RBFOX1: variants seen among roughly 807,000 people sequenced by gnomAD.
RBFOX1 encodes the protein RNA binding protein fox-1 homolog 1.
RBFOX1 carries 8 observed loss-of-function variants against 57.7 expected under a neutral mutation model. The ratio of observed to expected loss-of-function variants is 0.14; its 90% CI spans 0.08 to 0.25. The LOEUF (loss-of-function observed/expected upper bound fraction) is 0.25, where lower values mean the gene tolerates loss of function less well. Ranked by LOEUF, RBFOX1 falls within the 10% of genes least tolerant of loss-of-function variation. The pLI is 1.00. For missense variants in RBFOX1, 611 were observed against 548.5 expected (o/e 1.11, Z -1.14); for synonymous variants, 326 against 222.4 (o/e 1.47, Z -4.15).
In RBFOX1 at chr16:7,568,859, C is replaced by T. The variant is rs574554498; in HGVS notation, c.271-10918C>T. On this transcript the variant is annotated intron_variant, in intron 5 of 15. Coordinates refer to ENST00000550418, the MANE Select transcript of RBFOX1 (RefSeq NM_018723.4). ...CTGAGATCACGCCACTGCACTCCAG[C>T]CTGGGTGATAGAGACTCTGTCTCAA... Among the ~76,000 whole-genome samples the T allele has an allele frequency of 8.0e-4, 101 of 125,472 alleles. 1 individual carries two copies. The highest frequency in any genetic ancestry group is 2.8e-3 in the African/African-American group (99 of 34,938). 82.3% of individuals were successfully genotyped at this position (125,472 alleles called of 152,430 possible). A position where few individuals can be genotyped will look rare whatever the true frequency, so the allele number is the denominator to read the frequency against.
intron 3 of RBFOX1, among the ~76,000 whole-genome samples, chr16:5,691,835 C>G (rs1210016286): frequency 6.6e-6 from 1 of 152,034 alleles, no homozygotes; most frequent in East Asian, 1.9e-4. Context: ...GAGACTGTCC[C>G]ACAAATAGGT....
At chr16:6,040,313 T>G (rs2095422385) in intron 1 of RBFOX1, among the ~76,000 whole-genome samples, 1 of 152,220 alleles carries the variant, frequency 6.6e-6, no homozygotes, top group Admixed American at 6.5e-5. Flanking sequence ...CAGAACTCCT[T>G]TCATCTTGCA....
intron 4 of RBFOX1, among the ~76,000 whole-genome samples, chr16:6,006,262 G>C (rs527650289): frequency 5.8e-4 from 88 of 152,278 alleles, no homozygotes; most frequent in African/African-American, 2.1e-3. Flanking sequence ...CACAGATGTG[G>C]CTGGTCAGAG....
rs967933202 is a variant in RBFOX1 at position 5,918,629 on chromosome 16, G to T, written c.351+51294G>T. ...TTAAAACCCCTCTAAAATTTGCAGG[G>T]TAGACAGTGAGCTGTAGGCATTCCT... On this transcript the variant is annotated intron_variant, in intron 4 of 19. Transcript: ENST00000641259. Among the ~76,000 whole-genome samples the T allele has an allele frequency of 2.0e-5, 3 of 152,298 alleles. No individual in the cohort carries two copies. In the East Asian group the frequency reaches 5.8e-4, roughly 29 times the overall value.
At chr16:6,448,844 G>A (rs183388328) in intron 2 of RBFOX1, among the ~76,000 whole-genome samples, 39 of 152,166 alleles carry the variant, frequency 2.6e-4, no homozygotes, top group Admixed American at 1.9e-3. Flanking sequence ...CACTATTTTT[G>A]TACTGGTTCT....
At chr16:6,568,197 C>T (rs1251776186) in intron 2 of RBFOX1, among the ~76,000 whole-genome samples, 1 of 152,182 alleles carries the variant, frequency 6.6e-6, no homozygotes, top group African/African-American at 2.4e-5. Flanking sequence ...CATAGAGTTT[C>T]TGAGGTCCAG....
At chr16:7,510,672 G>A (rs1220460224) in intron 4 of RBFOX1, among the ~76,000 whole-genome samples, 2 of 152,200 alleles carry the variant, frequency 1.3e-5, no homozygotes. Flanking sequence ...GCACAAGAGG[G>A]TTTCTCTGAA....
chr16:6,557,487 A>G (rs1300241913), intron 2 of RBFOX1, among the ~76,000 whole-genome samples: 1 of 152,174 alleles, frequency 6.6e-6, no homozygotes, highest in Non-Finnish European at 1.5e-5. Context: ...GTGATTTAAC[A>G]TCCTTTTTCA....
intron 4 of RBFOX1, among the ~76,000 whole-genome samples, chr16:7,235,322 A>G (rs573689938): frequency 8.5e-4 from 129 of 152,324 alleles, no homozygotes; most frequent in African/African-American, 3.0e-3. Flanking sequence ...CAGTGTGACC[A>G]TTCCCTAGTG....
In RBFOX1 at chr16:6,097,153, C is replaced by G. The variant is rs2096254827; in HGVS notation, c.-127+77161C>G. ...CTTTCACTTCGTTCTTATATTCTTT[C>G]CTGTCTGCTGCCTTGTAAGACGTGA... On this transcript the variant is annotated intron_variant, in intron 1 of 15. Transcript: ENST00000550418. This position sits in a 1 kb window ranked among gnomAD's most constrained non-coding sequence, Gnocchi z 5.0. Among the ~76,000 whole-genome samples, 1 of 152,132 alleles carries G rather than the reference C, an allele frequency of 6.6e-6. No homozygotes were observed. Among genetic ancestry groups the G allele is most frequent in the South Asian group, 2.1e-4 (1 of 4,826 alleles).
intron 4 of RBFOX1, among the ~76,000 whole-genome samples, chr16:7,120,838 C>CACACACATACACACACAT (rs2066990665): frequency 7.1e-6 from 1 of 141,614 alleles, no homozygotes; most frequent in Non-Finnish European, 1.5e-5. Context: ...TATACACACA[C>CACACACATACACACACAT]ACACACACAC....
chr16:5,525,672 A>G (rs2151022041), intron 2 of RBFOX1, among the ~76,000 whole-genome samples: 1 of 151,586 alleles, frequency 6.6e-6, no homozygotes, highest in Non-Finnish European at 1.5e-5. Context: ...TAATTTTTGT[A>G]TTTTTAGTAC....
At chr16:5,478,390 G>A (rs1203464788) in intron 2 of RBFOX1, among the ~76,000 whole-genome samples, 1 of 152,064 alleles carries the variant, frequency 6.6e-6, no homozygotes, top group Non-Finnish European at 1.5e-5. Context: ...TAATGAATGT[G>A]CAGTTATTTA....
chr16:6,535,805 A>G (rs570250540), intron 2 of RBFOX1, among the ~76,000 whole-genome samples: 8 of 152,254 alleles, frequency 5.3e-5, no homozygotes, highest in African/African-American at 1.4e-4. Context: ...GCCTATTTTT[A>G]TATGTTACAC....
intron 1 of RBFOX1, among the ~76,000 whole-genome samples, chr16:6,235,558 ATGTGTGTGTGTGTGTGTGTG>A (rs3064942): frequency 6.8e-6 from 1 of 147,256 alleles, no homozygotes; most frequent in South Asian, 2.2e-4. Context: ...GCGTGTATGT[ATGTGTGTGTGTGTGTGTGTG>A]TGTGTGTGTG....
chr16:6,782,809 A>G (rs537343172), intron 3 of RBFOX1, among the ~76,000 whole-genome samples: 12 of 152,294 alleles, frequency 7.9e-5, no homozygotes, highest in South Asian at 4.1e-4. Flanking sequence ...TTTTTGTCCA[A>G]TGCTGAAAGT....
At chr16:5,443,827 A>C (rs1011858895) in intron 1 of RBFOX1, among the ~76,000 whole-genome samples, 23 of 152,204 alleles carry the variant, frequency 1.5e-4, no homozygotes, top group African/African-American at 5.1e-4. Context: ...ACTTAGAAGA[A>C]TGGTCACCTA....
intron 2 of RBFOX1, among the ~76,000 whole-genome samples, chr16:6,502,181 T>C (rs1446001907): frequency 6.6e-6 from 1 of 152,172 alleles, no homozygotes; most frequent in Non-Finnish European, 1.5e-5. Flanking sequence ...TAGAGAAATT[T>C]TGTGCTTCTG....
intron 4 of RBFOX1, among the ~76,000 whole-genome samples, chr16:5,981,919 G>A (rs1284526078): frequency 6.6e-6 from 1 of 152,218 alleles, no homozygotes; most frequent in Admixed American, 6.5e-5. Flanking sequence ...ATCCCATAGT[G>A]CACCCCCTCA....
Sources: gnomAD v4.1 joint callset for allele counts (sites outside exome capture counted in the v4.1 genomes callset) on GRCh38, gnomAD v4.1.1 for gene constraint, Gnocchi (gnomAD v3.1) non-coding constraint, MANE v1.5 for transcripts, NCBI Gene and HGNC (gene_info 2026-07-23, HGNC 2026-07-21) for gene names.